HIPK2: variants seen among roughly 807,000 people sequenced by gnomAD.
HIPK2 encodes homeodomain-interacting protein kinase 2.
HIPK2 carries 27 observed loss-of-function variants against 113.7 expected under a neutral mutation model. The ratio of observed to expected loss-of-function variants is 0.24; its 90% CI spans 0.17 to 0.33. The LOEUF (loss-of-function observed/expected upper bound fraction) is 0.33, where lower values mean the gene tolerates loss of function less well. HIPK2 is among the 10% of genes least tolerant of loss of function. The pLI, the probability that HIPK2 is intolerant of heterozygous loss-of-function variation, is 1.00. For synonymous variants in HIPK2, 631 were observed against 642.2 expected (o/e 0.98, Z 0.26); for missense variants, 1,257 against 1,588.0 (o/e 0.79, Z 3.54).
chr7:139,617,918 G>C (rs1479495371), intron 7 of HIPK2, among the ~76,000 whole-genome samples: 4 of 152,240 alleles, frequency 2.6e-5, no homozygotes, highest in Non-Finnish European at 5.9e-5. Context: ...AACCAGCAAT[G>C]AACAGAAGAA....
intron 2 of HIPK2, among the ~76,000 whole-genome samples, chr7:139,706,010 A>G (rs1197972022): frequency 6.6e-6 from 1 of 152,074 alleles, no homozygotes; most frequent in Non-Finnish European, 1.5e-5. Flanking sequence ...AAAAACAGAA[A>G]AGCAGGTTGG....
Position 139,703,395 on chromosome 7 carries a change from G to C in HIPK2, c.1103+12537C>G, listed in dbSNP as rs1039181193. Among the ~76,000 whole-genome samples the C allele has an allele frequency of 3.6e-3, 541 of 152,206 alleles. 3 individuals are homozygous for C. Among genetic ancestry groups the C allele is most frequent in the African/African-American group, 0.012 (505 of 41,508 alleles). On this transcript the variant is annotated intron_variant, in intron 2 of 14. Coordinates refer to ENST00000406875, the MANE Select transcript of HIPK2 (RefSeq NM_022740.5). ...TTTATATTCTGGGGGTTCGTACTTAGTGCATTTTATTTGCCAATGTAAGTT... is the reference window on the plus strand; with the variant it reads ...TTTATATTCTGGGGGTTCGTACTTACTGCATTTTATTTGCCAATGTAAGTT...
Position 139,604,088 on chromosome 7 carries a change from C to A in HIPK2, c.2248G>T (p.Asp750Tyr). 6.2e-7 allele frequency: 1 copy of A among 1,613,908 alleles called. No individual in the cohort carries two copies. Among genetic ancestry groups the A allele is most frequent in the South Asian group, 1.1e-5 (1 of 91,068 alleles). ...GAGGGGTTTCCTGCTTACCTCCAGT[C>A]CGCCAGCTGCTGGGTGCCTGCCATG... ...ETMAGTQQLA[D>Y]WRNTHAHGSH... Residue 750 changes from aspartate to tyrosine, a missense_variant, in exon 10 of 15, where the codon GAC (aspartate) becomes TAC (tyrosine). This residue lies in a region of HIPK2 where 862 missense variants were observed against 1,004.3 expected (regional missense o/e 0.86). Coordinates refer to ENST00000406875, the MANE Select transcript of HIPK2 (RefSeq NM_022740.5).
chr7:139,706,311 T>C (rs1794897493), intron 2 of HIPK2, among the ~76,000 whole-genome samples: 1 of 152,114 alleles, frequency 6.6e-6, no homozygotes. Context: ...GGGCGGCCCC[T>C]GTGATTCAGG....
intron 12 of HIPK2, among the ~76,000 whole-genome samples, chr7:139,596,180 C>T (rs1003347279): frequency 7.2e-5 from 11 of 152,234 alleles, no homozygotes; most frequent in African/African-American, 2.4e-4. Context: ...TCCCTCTCCC[C>T]AGGAAGCACA....
intron 7 of HIPK2, among the ~76,000 whole-genome samples, chr7:139,619,672 G>A (rs1025711544): frequency 2.6e-5 from 4 of 152,186 alleles, no homozygotes; most frequent in Non-Finnish European, 5.9e-5. Context: ...ATGTGGGGAC[G>A]AGGGGAAGGG....
At position 139,566,650 on chromosome 7, in the gene HIPK2, A is replaced by C. The variant is rs765488488; in HGVS notation, c.*6277T>G. ...CATCCGGTCAGCTCCCTTATCTATA[A>C]ATGGGGGCTGTTATCCCCCTCCCTG... On this transcript the variant is annotated 3_prime_UTR_variant, in exon 15 of 15. Coordinates refer to ENST00000406875, the MANE Select transcript of HIPK2 (RefSeq NM_022740.5). The surrounding 1 kb of genome is among the most constrained non-coding windows in gnomAD (Gnocchi z 4.1). The C allele has an allele frequency of 6.6e-6, 1 of 152,176 alleles. No individual in the cohort carries two copies. Among genetic ancestry groups the C allele is most frequent in the Non-Finnish European group, 1.5e-5 (1 of 68,024 alleles). 9.4% of individuals were successfully genotyped at this position (152,176 alleles called of 1,614,324 possible).
At chr7:139,602,097 C>T (rs1364988078) in intron 10 of HIPK2, among the ~76,000 whole-genome samples, 1 of 151,862 alleles carries the variant, frequency 6.6e-6, no homozygotes, top group African/African-American at 2.4e-5. Flanking sequence ...GGATTACAGG[C>T]GTGCACTGCC....
chr7:139,620,648 A>C, intron 6 of HIPK2, 85 bp from the exon 7 acceptor site: 2 of 1,504,672 alleles, frequency 1.3e-6, no homozygotes, highest in Non-Finnish European at 1.8e-6. Flanking sequence ...AAACAAAGGA[A>C]AGGAGAGAAG....
chr7:139,646,224 G>A (rs1801216693), intron 2 of HIPK2, among the ~76,000 whole-genome samples: 1 of 152,146 alleles, frequency 6.6e-6, no homozygotes, highest in South Asian at 2.1e-4. Context: ...AGGCTGGTGC[G>A]GTGGCTCACC....
chr7:139,627,673 G>T (rs887308367), intron 5 of HIPK2, among the ~76,000 whole-genome samples: 12 of 152,160 alleles, frequency 7.9e-5, no homozygotes, highest in Non-Finnish European at 1.5e-5. Context: ...CATGATTTTT[G>T]GTTATAGTCA....
In HIPK2 at chr7:139,573,233, G is replaced by A. The variant is rs1372524155; in HGVS notation, c.3291C>T (p.Pro1097=). Residue 1097 remains proline (P), a synonymous_variant, in exon 15 of 15, where the codon CCC becomes CCT. Coordinates refer to ENST00000406875, the MANE Select transcript of HIPK2 (RefSeq NM_022740.5). ...TGTAGGTGTAGAGGTGGGGCTGGGTGGGGAGGTGGGCAGCGGCAGCGGCTG... is the reference window on the plus strand; with the variant it reads ...TGTAGGTGTAGAGGTGGGGCTGGGTAGGGAGGTGGGCAGCGGCAGCGGCTG... ...LAAAAAAAHL[P]TQPHLYTYTA... 6.2e-7 allele frequency: 1 copy of A among 1,605,240 alleles called. No homozygotes were observed. The highest frequency in any genetic ancestry group is 1.7e-5 in the Admixed American group (1 of 59,980).
chr7:139,621,874 G>C (rs75310396), intron 6 of HIPK2, among the ~76,000 whole-genome samples: 1 of 139,342 alleles, frequency 7.2e-6, no homozygotes, highest in Non-Finnish European at 1.5e-5. Context: ...AGTGAGTCAT[G>C]ATTAGGCCTC....
intron 2 of HIPK2, among the ~76,000 whole-genome samples, chr7:139,667,075 A>C (rs1291475418): frequency 6.6e-6 from 1 of 151,940 alleles, no homozygotes; most frequent in African/African-American, 2.4e-5. Context: ...AAAAAAAAAA[A>C]ACAAAACAAA....
At chr7:139,718,911 A>G (rs1431646905) in intron 1 of HIPK2, among the ~76,000 whole-genome samples, 1 of 151,784 alleles carries the variant, frequency 6.6e-6, no homozygotes, top group Admixed American at 6.6e-5. Context: ...ATCTCCCCCA[A>G]CTCGTTAATG....
In HIPK2 at chr7:139,684,600, A is replaced by G. The variant is rs142876701; in HGVS notation, c.1103+31332T>C. 4.1e-3 allele frequency among the ~76,000 whole-genome samples: 619 copies of G among 152,288 alleles called. 2 individuals are homozygous for G. The highest frequency in any genetic ancestry group is 5.9e-3 in the Non-Finnish European group (402 of 68,020). ...TAGCTGGACATAGTGATGTGTACCT[A>G]TAGTCCTAGGTACTCTGGATGCAGG... On this transcript the variant is annotated intron_variant, in intron 2 of 14. Transcript: ENST00000406875.
intron 2 of HIPK2, among the ~76,000 whole-genome samples, chr7:139,674,849 A>G (rs1802439642): frequency 6.6e-6 from 1 of 152,196 alleles, no homozygotes. Flanking sequence ...ATGAAGATGT[A>G]AAAGAGGTGC....
At chr7:139,767,497 G>A (rs1478027982) in intron 1 of HIPK2, among the ~76,000 whole-genome samples, 1 of 152,220 alleles carries the variant, frequency 6.6e-6, no homozygotes, top group East Asian at 1.9e-4. Flanking sequence ...TGGAAGCAGA[G>A]AGCAGAGACG....
chr7:139,625,183 C>G (rs1800383978), intron 6 of HIPK2, among the ~76,000 whole-genome samples: 1 of 152,140 alleles, frequency 6.6e-6, no homozygotes, highest in Admixed American at 6.5e-5. Flanking sequence ...TCCCCTTGAC[C>G]CCTCCCCAGT....
Sources: allele counts gnomAD v4.1 joint callset (sites outside exome capture counted in the v4.1 genomes callset), GRCh38; gene constraint gnomAD v4.1.1; regional missense constraint gnomAD v4.1.1; non-coding constraint Gnocchi (gnomAD v3.1); transcripts MANE v1.5; gene names NCBI Gene and HGNC (gene_info 2026-07-23, HGNC 2026-07-21).